The following GARIN5B variants were observed in gnomAD, a reference collection of about 807,000 sequenced individuals.
GARIN5B encodes golgi associated RAB2 interactor family member 5B, also known as Golgi-associated RAB2 interactor protein 5B.
At chr19:55,358,872 A>C in the GARIN5B span, 1 of 1,548,198 alleles carries the variant, frequency 6.5e-7, no homozygotes, top group Non-Finnish European at 8.7e-7. Context: ...CGCTGCTCCA[A>C]CTCCTTGGAT....
chr19:55,362,114 C>T, the GARIN5B span: 18 of 1,267,356 alleles, frequency 1.4e-5, no homozygotes, highest in Non-Finnish European at 1.8e-5. Flanking sequence ...AGGCCCCCAG[C>T]CCCTCCTCCC....
the GARIN5B span, chr19:55,358,760 A>C: frequency 6.5e-7 from 1 of 1,549,626 alleles, no homozygotes; most frequent in South Asian, 1.2e-5. Context: ...GTTGGCCGTG[A>C]TCATGAGCTT....
chr19:55,362,728 G>C, the GARIN5B span: 2 of 1,530,656 alleles, frequency 1.3e-6, no homozygotes, highest in East Asian at 4.9e-5. Context: ...CCCTTGATGG[G>C]TCACCTGGGG....
the GARIN5B span, among the ~76,000 whole-genome samples, chr19:55,356,117 CT>C: frequency 6.6e-6 from 1 of 151,752 alleles, no homozygotes; most frequent in East Asian, 2.0e-4. Context: ...GAGCTCACCC[CT>C]GTAATCCCAG....
chr19:55,362,796 C>G, the GARIN5B span: 2 of 1,491,558 alleles, frequency 1.3e-6, no homozygotes, highest in Middle Eastern at 1.8e-4. Flanking sequence ...GCCTGAGCCT[C>G]CCTCCTGATC....
At chr19:55,359,813 C>G in the GARIN5B span, 1 of 1,551,378 alleles carries the variant, frequency 6.4e-7, no homozygotes. Context: ...CAAAGTGCTG[C>G]CCCCAGAGTC....
chr19:55,361,402 C>A, the GARIN5B span: 1 of 1,525,936 alleles, frequency 6.6e-7, no homozygotes, highest in Non-Finnish European at 8.8e-7. Context: ...ACAGCAGGGC[C>A]TGCTCACCTG....
chr19:55,362,653 C>T, the GARIN5B span: 1 of 1,547,226 alleles, frequency 6.5e-7, no homozygotes, highest in South Asian at 1.2e-5. Flanking sequence ...CAACACCAGG[C>T]CTGGCAGGGA....
chr19:55,359,471 G>A, the GARIN5B span: 1 of 1,546,898 alleles, frequency 6.5e-7, no homozygotes, highest in South Asian at 1.2e-5. Flanking sequence ...GGATGGAGCA[G>A]GTACGGCTGG....
At chr19:55,359,959 A>G in the GARIN5B span, 3 of 1,549,018 alleles carry the variant, frequency 1.9e-6, no homozygotes, top group Non-Finnish European at 2.6e-6. Context: ...CTGTGGCTTC[A>G]TCAGATGCAG....
At chr19:55,360,868 G>T in the GARIN5B span, 2 of 1,547,568 alleles carry the variant, frequency 1.3e-6, no homozygotes, top group Non-Finnish European at 1.7e-6. Context: ...AAGCGGATTT[G>T]GGTGTGAGTT....
At chr19:55,356,876 C>T in the GARIN5B span, among the ~76,000 whole-genome samples, 1 of 152,008 alleles carries the variant, frequency 6.6e-6, no homozygotes, top group Non-Finnish European at 1.5e-5. Flanking sequence ...CATGGTGAAA[C>T]TCCGTCTCCA....
At chr19:55,359,118 C>T in the GARIN5B span, 6 of 1,551,338 alleles carry the variant, frequency 3.9e-6, no homozygotes, top group East Asian at 1.2e-4. Context: ...TCCGGTTTCC[C>T]TCCAGACTGG....
chr19:55,362,284 C>A, the GARIN5B span: 1 of 1,547,344 alleles, frequency 6.5e-7, no homozygotes, highest in Non-Finnish European at 8.7e-7. Context: ...CGGCCAGCGG[C>A]ATATCCAGGG....
chr19:55,358,215 T>A, the GARIN5B span: 1 of 1,547,682 alleles, frequency 6.5e-7, no homozygotes, highest in Non-Finnish European at 8.7e-7. Context: ...TTCCTCACAG[T>A]TTCAAGTTCT....
the GARIN5B span, chr19:55,362,101 T>TCCAGG: frequency 8.6e-7 from 1 of 1,158,370 alleles, no homozygotes; most frequent in African/African-American, 1.6e-5. Flanking sequence ...GACTCAGGGG[T>TCCAGG]CCAGGCCCCC....
chr19:55,362,712 T>C, the GARIN5B span: 1 of 1,537,282 alleles, frequency 6.5e-7, no homozygotes, highest in Non-Finnish European at 8.8e-7. Flanking sequence ...TCACGAACAC[T>C]GGGCCCCCTT....
the GARIN5B span, chr19:55,358,507 G>A: frequency 3.9e-6 from 6 of 1,532,190 alleles, no homozygotes; most frequent in Non-Finnish European, 5.3e-6. Context: ...TGGGGTCCCA[G>A]GGTGGCTCCT....
the GARIN5B span, chr19:55,362,363 C>T: frequency 6.4e-7 from 1 of 1,550,592 alleles, no homozygotes. Flanking sequence ...GAGGCGGACC[C>T]AGCAGTGGAA....
Sources: gnomAD v4.1 joint callset for allele counts (sites outside exome capture counted in the v4.1 genomes callset) on GRCh38, gnomAD v4.1.1 for gene constraint, MANE v1.5 for transcripts, NCBI Gene and HGNC (gene_info 2026-07-23, HGNC 2026-07-21) for gene names.